PDE11A: variants seen among roughly 807,000 people sequenced by gnomAD.
PDE11A encodes dual 3',5'-cyclic-AMP and -GMP phosphodiesterase 11A.
A neutral mutation model predicts 100.5 loss-of-function variants in PDE11A; 100 were observed. The ratio of observed to expected loss-of-function variants is 1.00; its 90% CI spans 0.85 to 1.18. PDE11A has a LOEUF of 1.18. Among genes scored for constraint, PDE11A ranks in the 50% most tolerant of loss-of-function variants. PDE11A has a pLI of 0.00. For missense variants in PDE11A, 1,141 were observed against 1,152.6 expected, an observed-to-expected ratio of 0.99 and a Z score of 0.15; for synonymous variants, 381 against 420.8, an observed-to-expected ratio of 0.91 and a Z score of 1.16.
intron 10 of PDE11A, among the ~76,000 whole-genome samples, chr2:177,754,320 T>C (rs80044640): frequency 5.2e-4 from 79 of 152,214 alleles, no homozygotes; most frequent in African/African-American, 1.8e-3. Context: ...CTGAAGAACA[T>C]TGCAGAAAAT....
At chr2:177,670,178 G>C (rs775351168) in intron 17 of PDE11A, among the ~76,000 whole-genome samples, 3 of 152,130 alleles carry the variant, frequency 2.0e-5, no homozygotes, top group African/African-American at 7.2e-5. Flanking sequence ...AGTAGGTCAC[G>C]GTATAGTTTG....
At chr2:177,716,808 T>C (rs1460396469) in intron 12 of PDE11A, among the ~76,000 whole-genome samples, 1 of 152,232 alleles carries the variant, frequency 6.6e-6, no homozygotes, top group Non-Finnish European at 1.5e-5. Context: ...ATAAGGTAAT[T>C]TGACTAGAAA....
upstream of PDE11A, among the ~76,000 whole-genome samples, chr2:178,074,253 G>A (rs944238252): frequency 6.6e-6 from 1 of 152,134 alleles, no homozygotes; most frequent in East Asian, 1.9e-4. Context: ...AGTTTTTTGG[G>A]GGGTGTGGGG....
Position 178,006,828 on chromosome 2 carries a change from G to A in PDE11A, c.1071+7474C>T, listed in dbSNP as rs985293274. Among the ~76,000 whole-genome samples, 342 of 151,058 alleles carry A rather than the reference G, an allele frequency of 2.3e-3. 4 individuals are homozygous for A. Among genetic ancestry groups the A allele is most frequent in the African/African-American group, 6.2e-3 (253 of 41,040 alleles). ...ATTCCATTTCTGTCAAAACAAGGGGGGGGGGGGAAGCCAATGCATTCCAAC... is the reference window on the plus strand; with the variant it reads ...ATTCCATTTCTGTCAAAACAAGGGGAGGGGGGGAAGCCAATGCATTCCAAC... On this transcript the variant is annotated intron_variant, in intron 2 of 19. Coordinates refer to ENST00000286063, the MANE Select transcript of PDE11A (RefSeq NM_016953.4).
At chr2:177,799,776 T>C (rs75511416) in intron 9 of PDE11A, among the ~76,000 whole-genome samples, 2,254 of 152,254 alleles carry the variant, frequency 0.015, 48 homozygotes, top group African/African-American at 0.051. Flanking sequence ...GTCTGAGCTC[T>C]CATTCAGAGA....
rs2081624672 is a variant in PDE11A, at chr2:177,727,965, C to T, written c.1935+61G>A. The T allele has an allele frequency of 2.8e-6, 4 of 1,449,908 alleles. No homozygotes were observed. The African/African-American group carries it at 5.6e-5, about 20-fold the overall frequency. The allele number at this position is 1,449,908 out of a possible 1,614,324, so 89.8% of individuals were successfully genotyped here. A position where few individuals can be genotyped will look rare whatever the true frequency, so the allele number is the denominator to read the frequency against. ...TTTTGTATTTGGGAAACCAGTGGTTCAGAGTGGCTAACACGTTGTCCCAGG... is the reference window on the plus strand; with the variant it reads ...TTTTGTATTTGGGAAACCAGTGGTTTAGAGTGGCTAACACGTTGTCCCAGG... On this transcript the variant is annotated intron_variant, in intron 11 of 19. Coordinates refer to ENST00000286063, the MANE Select transcript of PDE11A (RefSeq NM_016953.4).
chr2:177,772,418 TATTTGGCTGGATATTATGTTATGTC>T (rs1326738138), intron 9 of PDE11A, among the ~76,000 whole-genome samples: 15 of 152,152 alleles, frequency 9.9e-5, no homozygotes, highest in Non-Finnish European at 1.5e-4. Flanking sequence ...ACCAAATAAA[TATTTGGCTGGATATTATGTTATGTC>T]ATTATCTTAT....
rs2086106115 is a variant in PDE11A, at chr2:177,998,607, T to C, written c.1071+15695A>G. 1.5e-5 allele frequency: 19 copies of C among 1,297,682 alleles called. No homozygotes were observed. In the East Asian group the frequency reaches 3.9e-4, roughly 27 times the overall value. 80.4% of individuals were successfully genotyped at this position (1,297,682 alleles called of 1,614,324 possible). On this transcript the variant is annotated intron_variant, in intron 2 of 19. Coordinates refer to ENST00000286063, the MANE Select transcript of PDE11A (RefSeq NM_016953.4). Reference sequence around the variant, plus strand: ...AGCAGAATCAGCCAATTCTGTAAAATGCTTAAAGAATTTCAGAATAAATTG... The same window carrying C: ...AGCAGAATCAGCCAATTCTGTAAAACGCTTAAAGAATTTCAGAATAAATTG...
intron 1 of PDE11A, among the ~76,000 whole-genome samples, chr2:178,052,095 T>C (rs1355835207): frequency 6.6e-6 from 1 of 152,126 alleles, no homozygotes; most frequent in Admixed American, 6.5e-5. Context: ...TATTCCAAAA[T>C]TGACCACATA....
chr2:177,778,924 A>T (rs900836043), intron 9 of PDE11A, among the ~76,000 whole-genome samples: 2 of 151,558 alleles, frequency 1.3e-5, no homozygotes, highest in African/African-American at 4.9e-5. Flanking sequence ...AATCGATCAT[A>T]AAAAATATTT....
At chr2:177,808,737 G>A (rs2082907890) in intron 9 of PDE11A, among the ~76,000 whole-genome samples, 1 of 152,174 alleles carries the variant, frequency 6.6e-6, no homozygotes, top group African/African-American at 2.4e-5. Flanking sequence ...AAGGAAGAGA[G>A]TGGAGTGCTA....
intron 9 of PDE11A, among the ~76,000 whole-genome samples, chr2:177,799,080 T>C (rs1242680398): frequency 6.6e-6 from 1 of 152,144 alleles, no homozygotes; most frequent in Admixed American, 6.6e-5. Context: ...ATAATTTTGG[T>C]GTAATCGTGA....
At chr2:177,696,227 T>C (rs1179549431) in intron 15 of PDE11A, among the ~76,000 whole-genome samples, 2 of 152,152 alleles carry the variant, frequency 1.3e-5, no homozygotes. Flanking sequence ...GTGAGGAAGT[T>C]TGGAGTGAAG....
At chr2:178,057,070 C>A (rs2086908838) in intron 1 of PDE11A, among the ~76,000 whole-genome samples, 1 of 152,062 alleles carries the variant, frequency 6.6e-6, no homozygotes, top group South Asian at 2.1e-4. Flanking sequence ...GTTGAGATAG[C>A]CAGCAGTTCA....
At position 178,071,733 on chromosome 2, in the gene PDE11A, A is replaced by C; in HGVS notation, c.705T>G (p.Ala235=). 1 of 1,614,138 alleles carries C rather than the reference A, an allele frequency of 6.2e-7. No individual in the cohort carries two copies. Among genetic ancestry groups the C allele is most frequent in the South Asian group, 1.1e-5 (1 of 91,072 alleles). The change falls in exon 1 of 20, where the codon GCT becomes GCG. Residue 235 remains alanine (A), a synonymous_variant. Transcript: ENST00000286063. Reference sequence around the variant, plus strand: ...CCACCAGGAAAAGAGAGCAGCGGTCAGCATCCACCATAAGGCAGACAAAGA... The same window carrying C: ...CCACCAGGAAAAGAGAGCAGCGGTCCGCATCCACCATAAGGCAGACAAAGA... The part of the protein sequence containing the change: ...ILIFVCLMVD[A]DRCSLFLVEG...
intron 5 of PDE11A, among the ~76,000 whole-genome samples, chr2:177,857,918 T>C (rs997679884): frequency 2.6e-5 from 4 of 152,026 alleles, no homozygotes; most frequent in Admixed American, 6.6e-5. Context: ...AACAGTTTTT[T>C]TTAAAAAACG....
chr2:177,902,720 C>G (rs2084716992), intron 3 of PDE11A, among the ~76,000 whole-genome samples: 2 of 152,162 alleles, frequency 1.3e-5, no homozygotes, highest in Non-Finnish European at 2.9e-5. Context: ...CTTCCCAGAG[C>G]TTTAGACTCC....
chr2:177,735,513 G>C (rs1327037997), intron 10 of PDE11A, among the ~76,000 whole-genome samples: 1 of 152,176 alleles, frequency 6.6e-6, no homozygotes, highest in Non-Finnish European at 1.5e-5. Flanking sequence ...GTGGGCATTG[G>C]AGGGTGAATA....
At chr2:178,093,103 G>A (rs1412757315) in intron 2 of PDE11A, 4 of 152,148 alleles carry the variant, frequency 2.6e-5, no homozygotes, top group African/African-American at 9.7e-5. Context: ...TATAGATTCT[G>A]ACCTATAAGA....
Sources: gnomAD v4.1 joint callset for allele counts (sites outside exome capture counted in the v4.1 genomes callset) on GRCh38, gnomAD v4.1.1 for gene constraint, MANE v1.5 for transcripts, NCBI Gene and HGNC (gene_info 2026-07-23, HGNC 2026-07-21) for gene names.